The following ZSCAN29 variants were observed in gnomAD, a reference collection of about 807,000 sequenced individuals.
The protein encoded by ZSCAN29 is zinc finger and SCAN domain containing 29, also known as zinc finger and SCAN domain-containing protein 29.
Under a neutral mutation model 71.9 loss-of-function variants are expected in ZSCAN29, and 55 were observed. The ratio of observed to expected loss-of-function variants is 0.76; its 90% CI spans 0.62 to 0.96. ZSCAN29 has a LOEUF of 0.96. Among genes scored for constraint, ZSCAN29 ranks in the 40% least tolerant of loss-of-function variants. The pLI is 0.00. For missense variants in ZSCAN29, 1,042 were observed against 1,042.2 expected (o/e 1.00, Z 0.00); for synonymous variants, 351 against 371.6 (o/e 0.94, Z 0.64).
Position 43,366,470 on chromosome 15 carries a change from C to G in ZSCAN29, c.862G>C (p.Glu288Gln). ...TCCAGGGTCCGGAGGAAGCCATATT[C>G]CCTGAGCCGCTCAGCCACAGCCCCA... ...VYGAVAERLR[E>Q]YGFLRTLEQC... The change falls in exon 4 of 6, where the codon GAA becomes CAA. Residue 288 changes from glutamate (E) to glutamine (Q), a missense_variant. Coordinates refer to ENST00000684362, the MANE Select transcript of ZSCAN29 (RefSeq NM_001372080.1). The G allele has an allele frequency of 6.2e-7, 1 of 1,614,198 alleles. No homozygotes were observed.
In ZSCAN29 at chr15:43,364,110, C is replaced by CA; in HGVS notation, c.1494dup (p.Ala499CysfsTer6). 2 of 1,614,190 alleles carry CA rather than the reference C, an allele frequency of 1.2e-6. No homozygotes were observed. Among genetic ancestry groups the CA allele is most frequent in the Non-Finnish European group, 1.7e-6 (2 of 1,180,034 alleles). On this transcript the variant is annotated frameshift_variant, in exon 5 of 6. Transcript: ENST00000684362. LOFTEE classifies it high-confidence loss of function. Reference sequence around the variant, plus strand: ...TCCTGGCCATCATTGGGTGGGGCAGCAACCCGGACACTCACCAAAGCATCC... The same window carrying CA: ...TCCTGGCCATCATTGGGTGGGGCAGCAAACCCGGACACTCACCAAAGCATCC...
chr15:43,361,058 T>C lies in ZSCAN29; in HGVS notation c.*15A>G, dbSNP rs374000879. 47 of 1,563,848 alleles carry C rather than the reference T, an allele frequency of 3.0e-5. No individual in the cohort carries two copies. The African/African-American group carries it at 5.9e-4, about 20-fold the overall frequency. ...ACATTTATTGAGCCTCTTTCCGTTA[T>C]ATATCCTCAGGGGCTTACTTGGGAG... On this transcript the variant is annotated 3_prime_UTR_variant, in exon 6 of 6. Coordinates refer to ENST00000684362, the MANE Select transcript of ZSCAN29 (RefSeq NM_001372080.1).
At position 43,369,731 on chromosome 15, in the gene ZSCAN29, C is replaced by T; in HGVS notation, c.183G>A (p.Leu61=). The part of the protein sequence containing the change: ...VRTKEQIVEL[L]VLEQFLTVLP... ...AGACGGTCAGGAACTGCTCTAGCAC[C>T]AACAGTTCTACAATCTGCTCCTTGG... The change falls in exon 2 of 6, where the codon TTG becomes TTA. Residue 61 remains leucine, a synonymous_variant. Coordinates refer to ENST00000684362, the MANE Select transcript of ZSCAN29 (RefSeq NM_001372080.1). 6.2e-7 allele frequency: 1 copy of T among 1,614,250 alleles called. No homozygotes were observed. The highest frequency in any genetic ancestry group is 8.5e-7 in the Non-Finnish European group (1 of 1,180,052).
Position 43,369,898 on chromosome 15 carries a change from C to T in ZSCAN29, c.16G>A (p.Ala6Thr). The T allele has an allele frequency of 1.2e-6, 2 of 1,600,898 alleles. No individual in the cohort carries two copies. Among genetic ancestry groups the T allele is most frequent in the Non-Finnish European group, 1.7e-6 (2 of 1,175,156 alleles). The stretch of plus-strand genomic sequence containing the variant: ...GAGTTAGTGCCATTCTCTCTTAGAG[C>T]TGATTTGGCCATCATTAATAGCAGA... MMAKS[A>T]LRENGTNSET... The change falls in exon 2 of 6, where the codon GCT becomes ACT. Residue 6 changes from alanine (A) to threonine (T), a missense_variant. Coordinates refer to ENST00000684362, the MANE Select transcript of ZSCAN29 (RefSeq NM_001372080.1).
chr15:43,368,891 A>G, intron 3 of ZSCAN29, 32 bp downstream of exon 3: 2 of 1,534,958 alleles, frequency 1.3e-6, no homozygotes, highest in Non-Finnish European at 8.8e-7. Context: ...TTGGAATGGC[A>G]GTCTATCTTC....
intron 1 of ZSCAN29, chr15:43,370,324 G>A (rs893657678): frequency 1.2e-5 from 2 of 163,104 alleles, no homozygotes; most frequent in Non-Finnish European, 2.7e-5. Context: ...AGTTCGAGAG[G>A]ATCTAAAGAC....
At chr15:43,369,422 G>T in intron 2 of ZSCAN29, 174 bp downstream of exon 2, 2 of 679,422 alleles carry the variant, frequency 2.9e-6, no homozygotes, top group Non-Finnish European at 2.4e-6. Flanking sequence ...GTAGGTGAAG[G>T]TACACCCAGG....
rs759723761 is a variant in ZSCAN29, at chr15:43,361,292, A to G, written c.2340T>C (p.His780=). ...SFNNSSHFSA[H]RRIHTGERPH... is the part of the protein sequence containing the mutation. ...GTCTCTCTCCTGTGTGTATCCTCCG[A>G]TGTGCACTAAAATGAGAACTGTTAT... The change falls in exon 6 of 6, where the codon CAT becomes CAC. Residue 780 remains histidine, a synonymous_variant. Coordinates refer to ENST00000684362, the MANE Select transcript of ZSCAN29 (RefSeq NM_001372080.1). The G allele has an allele frequency of 6.2e-7, 1 of 1,614,022 alleles. No individual in the cohort carries two copies. Among genetic ancestry groups the G allele is most frequent in the Non-Finnish European group, 8.5e-7 (1 of 1,180,012 alleles).
At chr15:43,362,682 G>A (rs2043993740) in intron 5 of ZSCAN29, among the ~76,000 whole-genome samples, 1 of 152,048 alleles carries the variant, frequency 6.6e-6, no homozygotes, top group Non-Finnish European at 1.5e-5. Flanking sequence ...AGTCTTATGA[G>A]ATATTTCATG....
In ZSCAN29 at chr15:43,361,296, G is replaced by A. The variant is rs775627654; in HGVS notation, c.2336C>T (p.Ala779Val). Reference sequence around the variant, plus strand: ...CTCTCCTGTGTGTATCCTCCGATGTGCACTAAAATGAGAACTGTTATTGAA... The same window carrying A: ...CTCTCCTGTGTGTATCCTCCGATGTACACTAAAATGAGAACTGTTATTGAA... ...KSFNNSSHFS[A>V]HRRIHTGERP... The change falls in exon 6 of 6, where the codon GCA (alanine) becomes GTA (valine). Residue 779 changes from alanine to valine, a missense_variant. Physicochemically the swap from Ala to Val is moderately conservative, Grantham distance 64. Coordinates refer to ENST00000684362, the MANE Select transcript of ZSCAN29 (RefSeq NM_001372080.1). 2 of 1,614,074 alleles carry A rather than the reference G, an allele frequency of 1.2e-6. No homozygotes were observed. The highest frequency in any genetic ancestry group is 1.7e-6 in the Non-Finnish European group (2 of 1,180,002).
intron 4 of ZSCAN29, among the ~76,000 whole-genome samples, chr15:43,365,018 G>A: frequency 6.7e-6 from 1 of 150,070 alleles, no homozygotes; most frequent in African/African-American, 2.5e-5. Flanking sequence ...AGAGAATGAA[G>A]AAAACAAGAA....
chr15:43,366,773 A>T lies in ZSCAN29; in HGVS notation c.559T>A (p.Leu187Met). 6.2e-7 allele frequency: 1 copy of T among 1,612,862 alleles called. No homozygotes were observed. The change falls in exon 4 of 6, where the codon TTG becomes ATG. Residue 187 changes from leucine (L) to methionine (M), a missense_variant. Physicochemically the swap from Leu to Met is conservative, Grantham distance 15. Transcript: ENST00000684362. ...GGGATCCATGGCTCTCCTTGCTCCA[A>T]CCTGGAGACCACACCGGATTTAGGA... ...PFPKSGVVSR[L>M]EQGEPWIPDL...
chr15:43,367,440 T>C (rs2044050452), intron 3 of ZSCAN29, among the ~76,000 whole-genome samples: 1 of 152,182 alleles, frequency 6.6e-6, no homozygotes, highest in Non-Finnish European at 1.5e-5. Context: ...CAGCACACTG[T>C]TGTTCACCAC....
In ZSCAN29 at chr15:43,360,460, A is replaced by AC. The variant is rs1239038529; in HGVS notation, c.*612dup. ...AGACCAGCCTGCCCAACATGGAGAA[A>AC]CCCCATCTCTACTAAAAATATAAAA... On this transcript the variant is annotated 3_prime_UTR_variant, in exon 6 of 6. Transcript: ENST00000684362. 2 of 152,000 alleles carry AC rather than the reference A, an allele frequency of 1.3e-5. No homozygotes were observed. The highest frequency in any genetic ancestry group is 1.3e-4 in the Admixed American group (2 of 15,254). 9.4% of individuals were successfully genotyped at this position (152,000 alleles called of 1,614,324 possible). A position where few individuals can be genotyped will look rare whatever the true frequency, so the allele number is the denominator to read the frequency against.
Position 43,366,592 on chromosome 15 carries a change from T to TG in ZSCAN29, c.739dup (p.His247ProfsTer5). The TG allele has an allele frequency of 6.2e-7, 1 of 1,614,262 alleles. No homozygotes were observed. The highest frequency in any genetic ancestry group is 8.5e-7 in the Non-Finnish European group (1 of 1,180,048). ...CGTTCTGGTCTCTTCATAGCCCCAG[T>TG]GCACACCTGCCACCTTCTCATCTTC... On this transcript the variant is annotated frameshift_variant, in exon 4 of 6. Transcript: ENST00000684362. LOFTEE classifies it high-confidence loss of function.
At chr15:43,364,567 TAG>T (rs2044017180) in intron 4 of ZSCAN29, 185 bp from the exon 5 acceptor site, 1 of 699,886 alleles carries the variant, frequency 1.4e-6, no homozygotes, top group Admixed American at 2.1e-5. Context: ...TTATATCCTT[TAG>T]CAATTTCACA....
At position 43,359,744 on chromosome 15, in the gene ZSCAN29, G is replaced by A. The variant is rs1197247822; in HGVS notation, c.*1329C>T. 1 of 152,232 alleles carries A rather than the reference G, an allele frequency of 6.6e-6. No homozygotes were observed. Among genetic ancestry groups the A allele is most frequent in the Non-Finnish European group, 1.5e-5 (1 of 68,054 alleles). The allele number at this position is 152,232 out of a possible 1,614,324, so 9.4% of individuals were successfully genotyped here. ...AACTTCTGGACCACAAGAGACAGAC[G>A]AAATTCAGATGAGACTGGACAGAAA... On this transcript the variant is annotated 3_prime_UTR_variant, in exon 6 of 6. Transcript: ENST00000684362.
Position 43,358,597 on chromosome 15 carries a change from G to A in ZSCAN29, c.*2476C>T, listed in dbSNP as rs1395798465. ...TTATAGAATACTATATCTTCCTACT[G>A]CTCTCCCTGATCTTATTCCAGCCAC... On this transcript the variant is annotated 3_prime_UTR_variant, in exon 6 of 6. Transcript: ENST00000684362. 1 of 152,152 alleles carries A rather than the reference G, an allele frequency of 6.6e-6. No homozygotes were observed. The highest frequency in any genetic ancestry group is 1.5e-5 in the Non-Finnish European group (1 of 68,034). 9.4% of individuals were successfully genotyped at this position (152,152 alleles called of 1,614,324 possible). A position where few individuals can be genotyped will look rare whatever the true frequency, so the allele number is the denominator to read the frequency against.
chr15:43,359,009 C>G lies in ZSCAN29; in HGVS notation c.*2064G>C, dbSNP rs1449744447. The G allele has an allele frequency of 6.6e-6, 1 of 152,220 alleles. No individual in the cohort carries two copies. The allele number at this position is 152,220 out of a possible 1,614,324, so 9.4% of individuals were successfully genotyped here. A position where few individuals can be genotyped will look rare whatever the true frequency, so the allele number is the denominator to read the frequency against. On this transcript the variant is annotated 3_prime_UTR_variant, in exon 6 of 6. Transcript: ENST00000684362. ...GTCTATCCTTTGCCCTTTGTTCCATCTACACAAAACACCTTGCTCCCCCTT... is the reference window on the plus strand; with the variant it reads ...GTCTATCCTTTGCCCTTTGTTCCATGTACACAAAACACCTTGCTCCCCCTT...
Sources: gnomAD v4.1 joint callset for allele counts (sites outside exome capture counted in the v4.1 genomes callset) on GRCh38, gnomAD v4.1.1 for gene constraint, MANE v1.5 for transcripts, NCBI Gene and HGNC (gene_info 2026-07-23, HGNC 2026-07-21) for gene names.